Variants in NCOA3 observed in about 807,000 individuals in gnomAD.
NCOA3 encodes the protein nuclear receptor coactivator 3.
In NCOA3, 51 loss-of-function variants were observed where a neutral mutation model predicts 158.8. That is an observed-to-expected ratio of 0.32 (90% confidence interval 0.26 to 0.41). NCOA3 has a LOEUF of 0.41. Ranked by LOEUF, NCOA3 falls within the 10% of genes least tolerant of loss-of-function variation. NCOA3 has a pLI of 1.00. For missense variants in NCOA3, 1,510 were observed against 1,746.6 expected (o/e 0.86, Z 2.41); for synonymous variants, 537 against 592.4 (o/e 0.91, Z 1.36).
At chr20:47,622,171 C>A in intron 2 of NCOA3, 58 bp from the exon 3 acceptor site, 1 of 893,074 alleles carries the variant, frequency 1.1e-6, no homozygotes, top group South Asian at 1.6e-5. Flanking sequence ...ATAACACCTT[C>A]ATAGAGTCAT....
intron 1 of NCOA3, among the ~76,000 whole-genome samples, chr20:47,575,489 C>T (rs962457301): frequency 6.6e-6 from 1 of 152,074 alleles, no homozygotes; most frequent in Non-Finnish European, 1.5e-5. Context: ...CTATCAGCAT[C>T]GAGTTTATTT....
At chr20:47,584,444 GCT>G (rs2085501936) in intron 2 of NCOA3, among the ~76,000 whole-genome samples, 1 of 152,084 alleles carries the variant, frequency 6.6e-6, no homozygotes, top group South Asian at 2.1e-4. Context: ...ATGTGGTGAA[GCT>G]CCGTCTCTAC....
rs774605016 is a variant in NCOA3, at chr20:47,635,738, A to T, written c.1504+25A>T. ...GGTATTTGTGTTGACATTTCCTTTT[A>T]TTTTTTTTCTTTTTAAGTAATTATT... On this transcript the variant is annotated intron_variant, in intron 11 of 22. Coordinates refer to ENST00000371998, the MANE Select transcript of NCOA3 (RefSeq NM_181659.3). The T allele has an allele frequency of 6.2e-5, 98 of 1,574,142 alleles. 1 individual carries two copies. The South Asian group carries it at 9.9e-4, about 16-fold the overall frequency.
intron 2 of NCOA3, among the ~76,000 whole-genome samples, chr20:47,609,029 A>G (rs1048840643): frequency 3.9e-5 from 6 of 152,200 alleles, no homozygotes; most frequent in African/African-American, 1.4e-4. Flanking sequence ...AGGACTTTGA[A>G]CAGCTGTATA....
chr20:47,529,919 G>T (rs555353829), intron 1 of NCOA3, among the ~76,000 whole-genome samples: 19 of 152,348 alleles, frequency 1.2e-4, no homozygotes, highest in African/African-American at 4.6e-4. Flanking sequence ...CAGGAAGAAA[G>T]AAATATGAAG....
In NCOA3 at chr20:47,637,572, A is replaced by AT. The variant is rs1281474593; in HGVS notation, c.2377-70dup. 5.8e-6 allele frequency: 7 copies of AT among 1,203,036 alleles called. No individual in the cohort carries two copies. In the East Asian group the frequency reaches 1.1e-4, roughly 19 times the overall value. 74.5% of individuals were successfully genotyped at this position (1,203,036 alleles called of 1,614,324 possible). ...TTTACTTGCTTCTATTTCATGTATC[A>AT]TTTTTTCTGATGGGTATGTTTATAC... On this transcript the variant is annotated intron_variant, in intron 12 of 22. Transcript: ENST00000371998.
At chr20:47,537,686 TC>T (rs2084657682) in intron 1 of NCOA3, among the ~76,000 whole-genome samples, 1 of 87,754 alleles carries the variant, frequency 1.1e-5, no homozygotes, top group African/African-American at 3.9e-5. Flanking sequence ...TTCAAGTGAT[TC>T]TCCTGCCTCA....
At chr20:47,590,268 C>T (rs957487425) in intron 2 of NCOA3, among the ~76,000 whole-genome samples, 7 of 152,060 alleles carry the variant, frequency 4.6e-5, no homozygotes, top group East Asian at 1.9e-4. Context: ...TTTGTCTTGA[C>T]GGAATTTGAT....
chr20:47,525,086 C>A (rs1244369803), intron 1 of NCOA3, among the ~76,000 whole-genome samples: 1 of 144,650 alleles, frequency 6.9e-6, no homozygotes, highest in African/African-American at 2.5e-5. Flanking sequence ...TGCGGCCTTC[C>A]GCAGTGTTTG....
rs75167925 is a variant in NCOA3 at position 47,625,237 on chromosome 20, A to T, written c.257-144A>T. On this transcript the variant is annotated intron_variant, in intron 4 of 22. Coordinates refer to ENST00000371998, the MANE Select transcript of NCOA3 (RefSeq NM_181659.3). ...AGTTTTGATGTTATAATATTGTAGC[A>T]TCATTCTCTTATGAGGAAATGTTTT... 5.0e-6 allele frequency: 3 copies of T among 598,648 alleles called. No homozygotes were observed. The South Asian group carries it at 6.6e-5, about 13-fold the overall frequency. The allele number at this position is 598,648 out of a possible 1,614,324, so 37.1% of individuals were successfully genotyped here. A position where few individuals can be genotyped will look rare whatever the true frequency, so the allele number is the denominator to read the frequency against.
intron 2 of NCOA3, among the ~76,000 whole-genome samples, chr20:47,621,365 C>T (rs6066415): frequency 6.6e-6 from 1 of 151,666 alleles, no homozygotes; most frequent in Non-Finnish European, 1.5e-5. Flanking sequence ...ATTCTGCCAC[C>T]TAGTGGAAAT....
At chr20:47,592,945 T>A (rs992328430) in intron 2 of NCOA3, among the ~76,000 whole-genome samples, 2 of 152,212 alleles carry the variant, frequency 1.3e-5, no homozygotes, top group African/African-American at 4.8e-5. Flanking sequence ...GACAGACTGT[T>A]TTTTTGAGAC....
chr20:47,613,338 T>C (rs1451173167), intron 2 of NCOA3, among the ~76,000 whole-genome samples: 19 of 151,910 alleles, frequency 1.3e-4, no homozygotes, highest in African/African-American at 4.1e-4. Flanking sequence ...TTCCTTCTTT[T>C]TTTTTTTTTT....
chr20:47,512,569 TAAAAAAAAAAA>T lies in NCOA3; in HGVS notation c.-99+10560_-99+10570del, dbSNP rs762228515. 4.1e-3 allele frequency among the ~76,000 whole-genome samples: 351 copies of T among 84,776 alleles called. 1 individual carries two copies. The highest frequency in any genetic ancestry group is 7.0e-3 in the Non-Finnish European group (308 of 43,734). 55.6% of individuals were successfully genotyped at this position (84,776 alleles called of 152,430 possible). A position where few individuals can be genotyped will look rare whatever the true frequency, so the allele number is the denominator to read the frequency against. ...GCAACAGAGTGAGACTCTGTCTCAC[TAAAAAAAAAAA>T]AAAAAAAAACACAAAAGATATATAC... On this transcript the variant is annotated intron_variant, in intron 1 of 22. Transcript: ENST00000371998.
At chr20:47,539,950 G>A (rs2084695643) in intron 1 of NCOA3, among the ~76,000 whole-genome samples, 1 of 152,110 alleles carries the variant, frequency 6.6e-6, no homozygotes, top group Admixed American at 6.6e-5. Context: ...ATATTTAAGG[G>A]ATACTAGTTT....
intron 1 of NCOA3, among the ~76,000 whole-genome samples, chr20:47,504,306 A>G (rs929083045): frequency 4.6e-5 from 7 of 152,188 alleles, no homozygotes; most frequent in Non-Finnish European, 8.8e-5. Flanking sequence ...CCGAGCAAAT[A>G]AAATAGAATT....
Position 47,620,309 on chromosome 20 carries a change from A to G in NCOA3, c.-19-1920A>G, listed in dbSNP as rs546155665. 2.6e-4 allele frequency among the ~76,000 whole-genome samples: 39 copies of G among 152,264 alleles called. 1 individual carries two copies. The highest frequency in any genetic ancestry group is 6.8e-3 in the Middle Eastern group (2 of 294). ...AAAAATTTTGTAGAGACAGGGTGTT[A>G]CTGTGTTGCACAGATTGGTCTCAAA... On this transcript the variant is annotated intron_variant, in intron 2 of 22. Coordinates refer to ENST00000371998, the MANE Select transcript of NCOA3 (RefSeq NM_181659.3).
rs531678762 is a variant in NCOA3, at chr20:47,585,031, T to TAA, written c.-20+1771_-20+1772dup. Among the ~76,000 whole-genome samples the TAA allele has an allele frequency of 3.0e-4, 44 of 147,338 alleles. 1 individual carries two copies. Among genetic ancestry groups the TAA allele is most frequent in the African/African-American group, 1.1e-3 (43 of 39,996 alleles). On this transcript the variant is annotated intron_variant, in intron 2 of 22. Transcript: ENST00000371998. ...TTGTGCTGGCAAATAACATTTCATC[T>TAA]AACCCCTTTCTTAACTTTTTTTTTT...
chr20:47,635,816 T>C, intron 11 of NCOA3, 75 bp from the exon 12 acceptor site: 1 of 1,503,450 alleles, frequency 6.7e-7, no homozygotes, highest in Non-Finnish European at 8.9e-7. Flanking sequence ...TAATAGAAAC[T>C]TTGAAGAATT....
Sources: allele counts gnomAD v4.1 joint callset (sites outside exome capture counted in the v4.1 genomes callset), GRCh38; gene constraint gnomAD v4.1.1; transcripts MANE v1.5; gene names NCBI Gene and HGNC (gene_info 2026-07-23, HGNC 2026-07-21).